Variants in AGBL1 observed in about 807,000 individuals in gnomAD.
AGBL1 encodes the protein cytosolic carboxypeptidase 4.
Under a neutral mutation model 118.9 loss-of-function variants are expected in AGBL1, and 130 were observed. That is an observed-to-expected ratio of 1.09 (90% CI 0.95 to 1.26). The LOEUF (loss-of-function observed/expected upper bound fraction) is 1.26, where lower values mean the gene tolerates loss of function less well. Among genes scored for constraint, AGBL1 ranks in the 50% most tolerant of loss-of-function variants. The pLI is 0.00. For synonymous variants in AGBL1, 555 were observed against 478.9 expected, an observed-to-expected ratio of 1.16 and a Z score of -2.08; for missense variants, 1,584 against 1,298.1, an observed-to-expected ratio of 1.22 and a Z score of -3.38.
chr15:86,772,043 T>A (rs1325852007), intron 22 of AGBL1, among the ~76,000 whole-genome samples: 2 of 151,990 alleles, frequency 1.3e-5, no homozygotes, highest in African/African-American at 4.8e-5. Flanking sequence ...GGAAGAACAG[T>A]GTGGCTGGAT....
chr15:86,918,942 C>G (rs1474878113), downstream of AGBL1, among the ~76,000 whole-genome samples: 1 of 152,198 alleles, frequency 6.6e-6, no homozygotes, highest in Non-Finnish European at 1.5e-5. Context: ...TTCTGGGTCT[C>G]TGTCTGTCAT....
chr15:86,820,211 C>G (rs932252099), intron 22 of AGBL1, among the ~76,000 whole-genome samples: 8 of 152,116 alleles, frequency 5.3e-5, no homozygotes, highest in Admixed American at 5.2e-4. Flanking sequence ...CTAGGTAATA[C>G]CATTCAGGAC....
At chr15:86,809,057 G>A (rs1596501943) in intron 22 of AGBL1, among the ~76,000 whole-genome samples, 1 of 150,686 alleles carries the variant, frequency 6.6e-6, no homozygotes, top group African/African-American at 2.5e-5. Flanking sequence ...CTAAAAAAAG[G>A]AGAGGCTTGC....
intron 21 of AGBL1, among the ~76,000 whole-genome samples, chr15:86,635,383 T>A (rs1303996642): frequency 1.4e-5 from 2 of 147,270 alleles, no homozygotes; most frequent in East Asian, 4.1e-4. Flanking sequence ...CCTCCTCTTA[T>A]TCCTCTTCCT....
At chr15:86,808,876 T>G (rs777613389) in intron 22 of AGBL1, among the ~76,000 whole-genome samples, 3 of 152,100 alleles carry the variant, frequency 2.0e-5, no homozygotes, top group Non-Finnish European at 4.4e-5. Flanking sequence ...TTGGCAATTA[T>G]GGATGGATTT....
chr15:86,553,593 C>G lies in AGBL1; in HGVS notation c.2818-768C>G, dbSNP rs543050373. Among the ~76,000 whole-genome samples the G allele has an allele frequency of 4.6e-5, 7 of 152,302 alleles. No individual in the cohort carries two copies. In the South Asian group the frequency reaches 1.4e-3, roughly 32 times the overall value. ...ATGTGCTTCTTCTCTAGAATCATCA[C>G]TGGCCCCTTTGGCCTTGTGAAATAA... is the stretch of plus-strand genomic sequence containing the variant. On this transcript the variant is annotated intron_variant, in intron 20 of 22. Coordinates refer to ENST00000614907, the MANE Select transcript of AGBL1 (RefSeq NM_001386094.1).
chr15:86,475,981 A>G (rs1248564911), intron 18 of AGBL1, among the ~76,000 whole-genome samples: 1 of 152,176 alleles, frequency 6.6e-6, no homozygotes, highest in Admixed American at 6.5e-5. Context: ...ACTAAGCTTC[A>G]TAAATGAAGG....
chr15:86,276,743 G>A (rs2079258743), intron 15 of AGBL1, among the ~76,000 whole-genome samples: 1 of 152,188 alleles, frequency 6.6e-6, no homozygotes, highest in Non-Finnish European at 1.5e-5. Flanking sequence ...TCCATACAAA[G>A]CAAGAACATG....
intron 18 of AGBL1, among the ~76,000 whole-genome samples, chr15:86,492,600 AAAAAAAAAAG>A (rs199745463): frequency 0.4 from 58,155 of 145,242 alleles, 11,950 homozygotes; most frequent in East Asian, 0.65. Context: ...AAAAAAGAAA[AAAAAAAAAAG>A]AAAAAAAAAG....
At chr15:86,956,961 T>C (rs890037048) in intron 23 of AGBL1, among the ~76,000 whole-genome samples, 5 of 151,842 alleles carry the variant, frequency 3.3e-5, no homozygotes, top group African/African-American at 1.2e-4. Flanking sequence ...ACGGTATAGA[T>C]TGTTGAAAAT....
At chr15:86,401,473 T>C (rs1368942974) in intron 18 of AGBL1, among the ~76,000 whole-genome samples, 1 of 151,978 alleles carries the variant, frequency 6.6e-6, no homozygotes, top group Non-Finnish European at 1.5e-5. Flanking sequence ...TCTCTTTTTT[T>C]GTTGTTGTTG....
At chr15:86,680,570 T>TTC (rs2085935960) in intron 22 of AGBL1, among the ~76,000 whole-genome samples, 1 of 138,550 alleles carries the variant, frequency 7.2e-6, no homozygotes, top group Non-Finnish European at 1.6e-5. Context: ...CTTTTCTTTT[T>TTC]TTTTTTTTTT....
chr15:86,587,686 A>G (rs993648650), intron 21 of AGBL1, among the ~76,000 whole-genome samples: 1 of 152,208 alleles, frequency 6.6e-6, no homozygotes, highest in African/African-American at 2.4e-5. Flanking sequence ...AAGTACAGCA[A>G]TTTAGAGAAA....
At chr15:86,763,329 A>G (rs7173570) in intron 22 of AGBL1, among the ~76,000 whole-genome samples, 1 of 152,172 alleles carries the variant, frequency 6.6e-6, no homozygotes, top group South Asian at 2.1e-4. Flanking sequence ...ATGTATCACT[A>G]AAGAACTATT....
At chr15:86,520,565 A>G (rs543663395) in intron 18 of AGBL1, among the ~76,000 whole-genome samples, 1 of 152,332 alleles carries the variant, frequency 6.6e-6, no homozygotes, top group African/African-American at 2.4e-5. Flanking sequence ...GTTGCCCCTG[A>G]ACTTGGTTTC....
intron 18 of AGBL1, among the ~76,000 whole-genome samples, chr15:86,420,177 TCTC>T (rs1271858164): frequency 1.3e-5 from 2 of 152,132 alleles, no homozygotes; most frequent in Non-Finnish European, 2.9e-5. Flanking sequence ...CAGGGAGACA[TCTC>T]CTAGCAGGGG....
chr15:86,786,392 A>C (rs1476216493), intron 22 of AGBL1, among the ~76,000 whole-genome samples: 2 of 152,116 alleles, frequency 1.3e-5, no homozygotes, highest in Non-Finnish European at 2.9e-5. Context: ...GTGTGGCAGG[A>C]TATGGCTTGT....
At chr15:86,934,615 T>C (rs2080644340) in intron 23 of AGBL1, among the ~76,000 whole-genome samples, 1 of 152,152 alleles carries the variant, frequency 6.6e-6, no homozygotes, top group Non-Finnish European at 1.5e-5. Flanking sequence ...ATTAACTGCA[T>C]ACTATGTTAT....
chr15:86,102,371 C>G (rs1896789272), intron 1 of AGBL1, among the ~76,000 whole-genome samples: 1 of 152,096 alleles, frequency 6.6e-6, no homozygotes, highest in South Asian at 2.1e-4. Flanking sequence ...TGTGTTTGCT[C>G]TGCCAGTGAG....
Sources: allele counts gnomAD v4.1 joint callset (sites outside exome capture counted in the v4.1 genomes callset), GRCh38; gene constraint gnomAD v4.1.1; transcripts MANE v1.5; gene names NCBI Gene and HGNC (gene_info 2026-07-23, HGNC 2026-07-21).